The following SETX variants were observed in gnomAD, a reference collection of about 807,000 sequenced individuals.
The protein encoded by SETX is senataxin.
Under a neutral mutation model 227.2 loss-of-function variants are expected in SETX, and 90 were observed. That is an observed-to-expected ratio of 0.40 (90% CI 0.33 to 0.47). The LOEUF (loss-of-function observed/expected upper bound fraction) is 0.47, where lower values mean the gene tolerates loss of function less well. Among genes scored for constraint, SETX ranks in the 20% least tolerant of loss-of-function variants. The pLI, the probability that SETX is intolerant of heterozygous loss-of-function variation, is 0.91. For synonymous variants in SETX, 1,210 were observed against 1,113.2 expected, an observed-to-expected ratio of 1.09 and a Z score of -1.73; for missense variants, 3,052 against 3,181.5, an observed-to-expected ratio of 0.96 and a Z score of 0.98.
intron 10 of SETX, among the ~76,000 whole-genome samples, chr9:132,322,466 G>A (rs564065122): frequency 2.0e-5 from 3 of 152,048 alleles, no homozygotes; most frequent in South Asian, 2.1e-4. Context: ...ACATATGAAC[G>A]GAATCATATA....
At chr9:132,341,019 T>C (rs1183545831) in intron 5 of SETX, among the ~76,000 whole-genome samples, 1 of 152,086 alleles carries the variant, frequency 6.6e-6, no homozygotes, top group Non-Finnish European at 1.5e-5. Context: ...ACTAAGGATG[T>C]TCTCCTCCCC....
In SETX at chr9:132,329,849, C is replaced by T. The variant is rs568737291; in HGVS notation, c.1749G>A (p.Glu583=). Residue 583 remains glutamate (E), a synonymous_variant, in exon 10 of 26, where the codon GAG becomes GAA. Transcript: ENST00000224140. ...TAATTTGCTTTAAGCAACTTTGTAG[C>T]TCATGGGTTTCCTGACTAGTCAACT... ...GWQLTSQETH[E]LQSCLKQIIR... The T allele has an allele frequency of 5.0e-6, 8 of 1,614,112 alleles. No homozygotes were observed. The African/African-American group carries it at 9.3e-5, about 19-fold the overall frequency.
chr9:132,264,290 C>G lies in SETX; in HGVS notation c.7983G>C (p.Lys2661Asn). The part of the protein sequence containing the change: ...HHTRRNSRWD[K>N]RTLEQEDSSS... ...TGCTGTCCTCCTGCTCCAGTGTCCT[C>G]TTGTCCCACCTAGAGTTCCTCCTGG... Residue 2661 changes from lysine (K) to asparagine (N), a missense_variant, in exon 26 of 26, where the codon AAG becomes AAC. Physicochemically the swap from Lys to Asn is moderately conservative, Grantham distance 94 (BLOSUM62 0). This residue lies in a region of SETX where 294 missense variants were observed against 278.8 expected (regional missense o/e 1.05). Coordinates refer to ENST00000224140, the MANE Select transcript of SETX (RefSeq NM_015046.7). 1 of 1,614,210 alleles carries G rather than the reference C, an allele frequency of 6.2e-7. No homozygotes were observed. Among genetic ancestry groups the G allele is most frequent in the South Asian group, 1.1e-5 (1 of 91,088 alleles).
At chr9:132,301,692 T>G (rs1845006864) in intron 11 of SETX, among the ~76,000 whole-genome samples, 1 of 152,214 alleles carries the variant, frequency 6.6e-6, no homozygotes, top group Admixed American at 6.5e-5. Context: ...CTAAGTACAC[T>G]CTTACTTCTC....
intron 3 of SETX, among the ~76,000 whole-genome samples, chr9:132,346,732 G>A (rs1261224165): frequency 2.0e-5 from 3 of 151,214 alleles, no homozygotes; most frequent in Non-Finnish European, 4.4e-5. Flanking sequence ...TAGGAGGACT[G>A]TTTCAGGTCA....
rs369817310 is a variant in SETX, at chr9:132,275,457, AAACT to A, written c.6936-41_6936-38del. The A allele has an allele frequency of 6.0e-4, 927 of 1,549,752 alleles. 4 individuals carry two copies. In the African/African-American group the frequency reaches 0.011, roughly 19 times the overall value. ...GGAAAAAGAAAACACAGTGTTATCA[AAACT>A]AATAGCAGGCTAATTGCTAACTTAA... On this transcript the variant is annotated intron_variant, in intron 22 of 25. Transcript: ENST00000224140.
At chr9:132,283,103 A>T in intron 19 of SETX, 161 bp downstream of exon 19, 4 of 871,356 alleles carry the variant, frequency 4.6e-6, no homozygotes, top group Non-Finnish European at 7.2e-6. Flanking sequence ...GAGGGTCATT[A>T]AGGAGTATAT....
chr9:132,308,639 TAGTC>T (rs1315993568), intron 11 of SETX, among the ~76,000 whole-genome samples: 3 of 152,176 alleles, frequency 2.0e-5, no homozygotes, highest in Non-Finnish European at 4.4e-5. Context: ...GTCACTAACA[TAGTC>T]ACTAACTGAA....
Position 132,329,926 on chromosome 9 carries a change from A to T in SETX, c.1672T>A (p.Phe558Ile). 6.2e-7 allele frequency: 1 copy of T among 1,614,200 alleles called. No individual in the cohort carries two copies. The highest frequency in any genetic ancestry group is 8.5e-7 in the Non-Finnish European group (1 of 1,180,022). ...AGGAATAAGTTGAGCTTATCCCAGA[A>T]TCGCTTGCAAAGAGACTGCTGCCCA... ...QLGQQSLCKR[F>I]WDKLNLFLRG... is the part of the protein sequence containing the mutation. The change falls in exon 10 of 26, where the codon TTC becomes ATC. Residue 558 changes from phenylalanine (F) to isoleucine (I), a missense_variant. Physicochemically the swap from Phe to Ile is conservative, Grantham distance 21. This residue lies in a region of SETX where 179 missense variants were observed against 197.1 expected (regional missense o/e 0.91). Coordinates refer to ENST00000224140, the MANE Select transcript of SETX (RefSeq NM_015046.7).
At chr9:132,334,229 T>C (rs757597918) in intron 7 of SETX, among the ~76,000 whole-genome samples, 9 of 152,182 alleles carry the variant, frequency 5.9e-5, no homozygotes, top group Non-Finnish European at 1.3e-4. Flanking sequence ...GCAGATCACC[T>C]GAGATCAAGA....
At chr9:132,332,169 A>T (rs772747136) in intron 7 of SETX, among the ~76,000 whole-genome samples, 1 of 152,222 alleles carries the variant, frequency 6.6e-6, no homozygotes, top group African/African-American at 2.4e-5. Context: ...TCAGTCAAGA[A>T]CTTAAAAGAT....
chr9:132,348,519 G>C (rs966007230), intron 3 of SETX, among the ~76,000 whole-genome samples: 1 of 152,020 alleles, frequency 6.6e-6, no homozygotes, highest in Non-Finnish European at 1.5e-5. Flanking sequence ...ATACCAATGT[G>C]ACTAAAAGCA....
Position 132,328,396 on chromosome 9 carries a change from CT to C in SETX, c.3201del (p.Glu1068ArgfsTer47). 6.2e-7 allele frequency: 1 copy of C among 1,613,976 alleles called. No homozygotes were observed. Among genetic ancestry groups the C allele is most frequent in the Non-Finnish European group, 8.5e-7 (1 of 1,179,988 alleles). On this transcript the variant is annotated frameshift_variant, in exon 10 of 26. Transcript: ENST00000224140. LOFTEE classifies it high-confidence loss of function. ...EEKNPVKEEK[T>X]ETLFQFEESD... ...GATTCCTCAAACTGAAAAAGAGTCT[CT>C]GTCTTTTCTTCCTTTACTGGATTCT...
At chr9:132,323,889 G>A (rs950145331) in intron 10 of SETX, among the ~76,000 whole-genome samples, 3 of 151,838 alleles carry the variant, frequency 2.0e-5, no homozygotes, top group African/African-American at 7.3e-5. Context: ...GGGGACAGGA[G>A]TGAGACCCTG....
chr9:132,329,492 T>C lies in SETX; in HGVS notation c.2106A>G (p.Glu702=). Residue 702 remains glutamate, a synonymous_variant, in exon 10 of 26, where the codon GAA becomes GAG. Transcript: ENST00000224140. ...TCCTTGTACTTATTTTAATTTGATC[T>C]TCAGCTCTTTCAGTAAAAATGTTTT... ...SSKNIFTERA[E]DQIKISTRKQ... The C allele has an allele frequency of 5.0e-6, 8 of 1,612,466 alleles. No homozygotes were observed. Among genetic ancestry groups the C allele is most frequent in the Non-Finnish European group, 5.9e-6 (7 of 1,179,900 alleles).
intron 5 of SETX, among the ~76,000 whole-genome samples, chr9:132,340,413 T>TA (rs1227855791): frequency 6.6e-6 from 1 of 152,272 alleles, no homozygotes; most frequent in African/African-American, 2.4e-5. Context: ...CTATTATTTT[T>TA]AGTTTGTGAA....
chr9:132,333,610 T>C (rs1318899295), intron 7 of SETX, among the ~76,000 whole-genome samples: 1 of 152,068 alleles, frequency 6.6e-6, no homozygotes, highest in African/African-American at 2.4e-5. Flanking sequence ...TTGGTCTTTA[T>C]TAATTCATTA....
At position 132,346,598 on chromosome 9, in the gene SETX, T is replaced by A. The variant is rs919671926; in HGVS notation, c.178-127A>T. On this transcript the variant is annotated intron_variant, in intron 3 of 25. Transcript: ENST00000224140. ...GAAATGTAAAGTATTAGAGCTTGTATTTTAGATTTAAAGAAAACTATTCAA... is the reference window on the plus strand; with the variant it reads ...GAAATGTAAAGTATTAGAGCTTGTAATTTAGATTTAAAGAAAACTATTCAA... The A allele has an allele frequency of 3.7e-4, 262 of 708,866 alleles. 1 individual carries two copies. The highest frequency in any genetic ancestry group is 8.7e-5 in the Non-Finnish European group (36 of 414,334). The allele number at this position is 708,866 out of a possible 1,614,324, so 43.9% of individuals were successfully genotyped here.
intron 15 of SETX, among the ~76,000 whole-genome samples, chr9:132,292,146 T>C (rs1182560928): frequency 6.6e-6 from 1 of 152,098 alleles, no homozygotes. Flanking sequence ...AATAAATATA[T>C]AATACAGCAA....
Sources: gnomAD v4.1 joint callset for allele counts (sites outside exome capture counted in the v4.1 genomes callset) on GRCh38, gnomAD v4.1.1 for gene constraint, gnomAD v4.1.1 regional missense constraint, MANE v1.5 for transcripts, NCBI Gene and HGNC (gene_info 2026-07-23, HGNC 2026-07-21) for gene names.